Variants in DCPH1 observed in about 807,000 individuals in gnomAD.
DCPH1 encodes the protein damage control phosphatase 1.
the DCPH1 span, among the ~76,000 whole-genome samples, chr6:151,461,336 AT>A: frequency 6.6e-6 from 1 of 152,168 alleles, no homozygotes; most frequent in Non-Finnish European, 1.5e-5. Context: ...CTGGCTGCAC[AT>A]TTATGACCCA....
At chr6:151,461,735 TGG>T in the DCPH1 span, among the ~76,000 whole-genome samples, 1 of 152,200 alleles carries the variant, frequency 6.6e-6, no homozygotes, top group Non-Finnish European at 1.5e-5. Flanking sequence ...TTAATTTATC[TGG>T]GGTGGGGCCT....
chr6:151,468,475 T>TTC, the DCPH1 span: 1 of 1,613,742 alleles, frequency 6.2e-7, no homozygotes, highest in Non-Finnish European at 8.5e-7. Context: ...ACATCTTTGG[T>TTC]CATTGCTTAG....
the DCPH1 span, among the ~76,000 whole-genome samples, chr6:151,453,118 C>T: frequency 6.6e-6 from 1 of 152,158 alleles, no homozygotes; most frequent in Non-Finnish European, 1.5e-5. Context: ...CAAAATATTG[C>T]AAAAGACGAG....
chr6:151,460,893 G>A, the DCPH1 span, among the ~76,000 whole-genome samples: 2 of 152,208 alleles, frequency 1.3e-5, no homozygotes, highest in African/African-American at 4.8e-5. Context: ...AACTAGCAAT[G>A]TTCTAGTGAC....
At chr6:151,463,263 T>C in the DCPH1 span, among the ~76,000 whole-genome samples, 3 of 152,212 alleles carry the variant, frequency 2.0e-5, no homozygotes, top group African/African-American at 7.2e-5. Flanking sequence ...TAAAACCATC[T>C]TTGAATTATT....
At chr6:151,453,459 CT>C in the DCPH1 span, among the ~76,000 whole-genome samples, 2 of 152,194 alleles carry the variant, frequency 1.3e-5, no homozygotes, top group Non-Finnish European at 2.9e-5. Context: ...TTAGTGATTT[CT>C]TTTATTAATG....
At chr6:151,459,653 T>C in the DCPH1 span, among the ~76,000 whole-genome samples, 1 of 152,090 alleles carries the variant, frequency 6.6e-6, no homozygotes, top group African/African-American at 2.4e-5. Context: ...TACCCAGGTG[T>C]GGTGGCACAT....
chr6:151,468,438 A>T, the DCPH1 span: 1 of 1,611,876 alleles, frequency 6.2e-7, no homozygotes, highest in Non-Finnish European at 8.5e-7. Context: ...AAGACCTAAA[A>T]CCTTTCATTT....
chr6:151,455,999 A>G, the DCPH1 span, among the ~76,000 whole-genome samples: 1 of 152,250 alleles, frequency 6.6e-6, no homozygotes, highest in Non-Finnish European at 1.5e-5. Flanking sequence ...CACCGCCCTT[A>G]ATCCATTTAA....
At chr6:151,458,692 A>G in the DCPH1 span, 1 of 728,380 alleles carries the variant, frequency 1.4e-6, no homozygotes, top group East Asian at 2.7e-5. Context: ...AGTTTAGCAA[A>G]TCTTAATAGC....
the DCPH1 span, chr6:151,468,931 G>A: frequency 4.3e-6 from 7 of 1,614,160 alleles, no homozygotes; most frequent in South Asian, 2.2e-5. Flanking sequence ...GGAGTTTTCT[G>A]TTCCATTTCA....
At chr6:151,464,097 C>T in the DCPH1 span, among the ~76,000 whole-genome samples, 3 of 152,114 alleles carry the variant, frequency 2.0e-5, no homozygotes, top group Non-Finnish European at 4.4e-5. Flanking sequence ...TCTGCCACAT[C>T]GGTGGTTAAA....
chr6:151,456,324 C>G, the DCPH1 span, among the ~76,000 whole-genome samples: 1 of 152,106 alleles, frequency 6.6e-6, no homozygotes, highest in Non-Finnish European at 1.5e-5. Context: ...GGTTGGTGAT[C>G]TTTTCTCCTT....
chr6:151,467,438 A>T, the DCPH1 span, among the ~76,000 whole-genome samples: 716 of 151,300 alleles, frequency 4.7e-3, no homozygotes, highest in Middle Eastern at 0.021. Context: ...ATCTTTATTA[A>T]AAAAAAAATC....
chr6:151,456,132 ACTT>A, the DCPH1 span, among the ~76,000 whole-genome samples: 4 of 152,194 alleles, frequency 2.6e-5, no homozygotes, highest in African/African-American at 4.8e-5. Context: ...TCCTATGTCT[ACTT>A]CTTTCTACAC....
chr6:151,456,749 C>T, the DCPH1 span, among the ~76,000 whole-genome samples: 2 of 152,198 alleles, frequency 1.3e-5, no homozygotes, highest in African/African-American at 4.8e-5. Flanking sequence ...CTCCTAGATT[C>T]CAGCAATTCT....
the DCPH1 span, among the ~76,000 whole-genome samples, chr6:151,457,810 T>C: frequency 3.0e-4 from 45 of 152,272 alleles, no homozygotes; most frequent in Non-Finnish European, 5.1e-4. Context: ...AGGTGTGAAG[T>C]CATTTTCACT....
At chr6:151,461,792 A>G in the DCPH1 span, among the ~76,000 whole-genome samples, 2 of 152,242 alleles carry the variant, frequency 1.3e-5, no homozygotes, top group Admixed American at 1.3e-4. Flanking sequence ...GATGATATCC[A>G]CTGGTTCAGC....
the DCPH1 span, among the ~76,000 whole-genome samples, chr6:151,459,769 G>A: frequency 5.9e-5 from 9 of 152,290 alleles, no homozygotes; most frequent in South Asian, 1.9e-3. Flanking sequence ...CAGCCTGGGC[G>A]ACAGAGCGAG....
Sources: allele counts gnomAD v4.1 joint callset (sites outside exome capture counted in the v4.1 genomes callset), GRCh38; gene constraint gnomAD v4.1.1; transcripts MANE v1.5; gene names NCBI Gene and HGNC (gene_info 2026-07-23, HGNC 2026-07-21).